The following RECQL variants were observed in gnomAD, a reference collection of about 807,000 sequenced individuals.
The protein encoded by RECQL is RecQ like helicase, also known as ATP-dependent DNA helicase Q1.
In RECQL, 73 loss-of-function variants were observed where a neutral mutation model predicts 75.8. The ratio of observed to expected loss-of-function variants is 0.96; its 90% CI spans 0.80 to 1.17. The LOEUF is 1.17. RECQL is among the 50% of genes most tolerant of loss of function. RECQL has a pLI of 0.00. For synonymous variants in RECQL, 248 were observed against 254.4 expected (o/e 0.97, Z 0.24); for missense variants, 699 against 772.1 (o/e 0.91, Z 1.12).
At chr12:21,476,591 C>T (rs1943090849) in intron 8 of RECQL, among the ~76,000 whole-genome samples, 2 of 151,910 alleles carry the variant, frequency 1.3e-5, no homozygotes, top group South Asian at 4.1e-4. Context: ...TTGCTTAATC[C>T]ACTATTTTGT....
chr12:21,486,517 CTAA>C lies in RECQL; in HGVS notation c.460_462del (p.Leu154del). On this transcript the variant is annotated inframe_deletion, in exon 5 of 15. Coordinates refer to ENST00000444129, the MANE Select transcript of RECQL (RefSeq NM_002907.4). ...GCATTTAACATGGTTGCTGAAATTC[CTAA>C]TTGTTTTAAAACCATTAATTGGTCT... The C allele has an allele frequency of 6.2e-7, 1 of 1,602,984 alleles. No individual in the cohort carries two copies. Among genetic ancestry groups the C allele is most frequent in the Non-Finnish European group, 8.5e-7 (1 of 1,176,542 alleles).
chr12:21,474,775 A>G, intron 11 of RECQL, 66 bp downstream of exon 11: 3 of 1,497,864 alleles, frequency 2.0e-6, no homozygotes, highest in Non-Finnish European at 2.8e-6. Context: ...AAGAACTTAA[A>G]AACGATGTCA....
At chr12:21,471,684 T>C (rs535266794) in intron 12 of RECQL, 37 bp from the exon 13 acceptor site, 160 of 1,545,324 alleles carry the variant, frequency 1.0e-4, no homozygotes, top group Non-Finnish European at 1.3e-4. Flanking sequence ...GTAATTAGGA[T>C]TTAGAAATGA....
intron 6 of RECQL, among the ~76,000 whole-genome samples, chr12:21,480,337 G>A (rs923298553): frequency 1.3e-5 from 2 of 152,142 alleles, no homozygotes; most frequent in African/African-American, 4.8e-5. Context: ...TGTAAGAACG[G>A]AATCAAAGAC....
At chr12:21,480,091 T>A (rs1000184439) in intron 6 of RECQL, among the ~76,000 whole-genome samples, 3 of 150,838 alleles carry the variant, frequency 2.0e-5, no homozygotes, top group African/African-American at 7.3e-5. Context: ...CATTAGAGAG[T>A]GGTAAGTGCT....
intron 2 of RECQL, among the ~76,000 whole-genome samples, chr12:21,497,203 C>T (rs1943524402): frequency 6.6e-6 from 1 of 152,142 alleles, no homozygotes; most frequent in Admixed American, 6.5e-5. Context: ...CCAAAGTGAG[C>T]AGGTTCTAAG....
chr12:21,470,384 T>G, intron 14 of RECQL, 38 bp from the exon 15 acceptor site: 1 of 1,502,696 alleles, frequency 6.7e-7, no homozygotes, highest in Non-Finnish European at 8.9e-7. Context: ...AGCACCTTGG[T>G]AAAAATCCAG....
Position 21,475,764 on chromosome 12 carries a change from A to G in RECQL, c.1010T>C (p.Leu337Pro), listed in dbSNP as rs776369780. The part of the protein sequence containing the change: ...SEQVTVSLQN[L>P]GIHAGAYHAN... ...ATGGTAAGCACCTGCATGAATTCCC[A>G]GATTCTGCAAACTAACCGTAACTTG... Residue 337 changes from leucine (L) to proline (P), a missense_variant, in exon 9 of 15, where the codon CTG (leucine) becomes CCG (proline). Transcript: ENST00000444129. The G allele has an allele frequency of 1.9e-6, 3 of 1,613,408 alleles. No individual in the cohort carries two copies. Among genetic ancestry groups the G allele is most frequent in the Non-Finnish European group, 2.5e-6 (3 of 1,179,468 alleles).
rs1438671411 is a variant in RECQL, at chr12:21,470,269, C to T, written c.1875G>A (p.Lys625=). The T allele has an allele frequency of 1.2e-6, 2 of 1,606,694 alleles. No homozygotes were observed. Among genetic ancestry groups the T allele is most frequent in the South Asian group, 1.1e-5 (1 of 90,440 alleles). The stretch of plus-strand genomic sequence containing the variant: ...ATTGCTGAAGCATGTTTGCAGCCTT[C>T]TTCTGGAAGTTGCCTGAATTTTTTT... The part of the protein sequence containing the change: ...MEEKNSGNFQ[K]KAANMLQQSG... Residue 625 remains lysine, a synonymous_variant, in exon 15 of 15, where the codon AAG becomes AAA. Coordinates refer to ENST00000444129, the MANE Select transcript of RECQL (RefSeq NM_002907.4).
rs566339459 is a variant in RECQL at position 21,499,566 on chromosome 12, G to A, written c.5C>T (p.Ala2Val). Residue 2 changes from alanine to valine, a missense_variant, in exon 2 of 15, where the codon GCG becomes GTG. By Grantham distance (64) the Ala-to-Val change is moderately conservative. Around this residue, in one of 2 missense-constraint regions of RECQL, gnomAD observed 669 missense variants for 713.5 expected, o/e 0.94. Transcript: ENST00000444129. ...TCATTGCTACTAACCTGAAACGGACGCCATTCTTTTTCTTTCCAAATTTGT... is the reference window on the plus strand; with the variant it reads ...TCATTGCTACTAACCTGAAACGGACACCATTCTTTTTCTTTCCAAATTTGT... MASVSALTEELD... is the reference protein window; with the variant it reads MVSVSALTEELD... The A allele has an allele frequency of 1.1e-5, 17 of 1,593,058 alleles. No individual in the cohort carries two copies. The highest frequency in any genetic ancestry group is 6.9e-5 in the South Asian group (6 of 86,864).
At chr12:21,486,656 CGTT>C (rs1555146282) in intron 4 of RECQL, 71 bp from the exon 5 acceptor site, 13,222 of 156,052 alleles carry the variant, frequency 0.085, 934 homozygotes, top group South Asian at 0.12. Context: ...AAACCATTCA[CGTT>C]TTTTTTTTTT....
chr12:21,485,190 C>G (rs1211617168), intron 5 of RECQL, among the ~76,000 whole-genome samples: 3 of 146,808 alleles, frequency 2.0e-5, no homozygotes, highest in Non-Finnish European at 3.0e-5. Flanking sequence ...TTGAGTGATA[C>G]CACAGTAAGT....
chr12:21,470,646 TG>T (rs1942926332), intron 14 of RECQL: 1 of 322,180 alleles, frequency 3.1e-6, no homozygotes, highest in Non-Finnish European at 5.6e-6. Context: ...TTCTAACCAC[TG>T]GAACAGCAGA....
rs1942936562 is a variant in RECQL, at chr12:21,470,958, T to A, written c.1797+11A>T. On this transcript the variant is annotated intron_variant, in intron 14 of 14. Coordinates refer to ENST00000444129, the MANE Select transcript of RECQL (RefSeq NM_002907.4). ...TAAAATATATAAAACTGAAAATTAATAGCCATTTACCCTGAAAGAGTTCTG... is the reference window on the plus strand; with the variant it reads ...TAAAATATATAAAACTGAAAATTAAAAGCCATTTACCCTGAAAGAGTTCTG... 6.7e-7 allele frequency: 1 copy of A among 1,483,548 alleles called. No individual in the cohort carries two copies. Among genetic ancestry groups the A allele is most frequent in the African/African-American group, 1.5e-5 (1 of 67,630 alleles). 91.9% of individuals were successfully genotyped at this position (1,483,548 alleles called of 1,614,324 possible).
In RECQL at chr12:21,482,580, G is replaced by C. The variant is rs1033051476; in HGVS notation, c.700+796C>G. Among the ~76,000 whole-genome samples the C allele has an allele frequency of 2.0e-5, 3 of 152,302 alleles. No individual in the cohort carries two copies. The South Asian group carries it at 6.2e-4, about 32-fold the overall frequency. On this transcript the variant is annotated intron_variant, in intron 6 of 14. Coordinates refer to ENST00000444129, the MANE Select transcript of RECQL (RefSeq NM_002907.4). ...ATGAATCCAGCATCTCAGGCACAAC[G>C]CCTGAAGCAGACTGGCAGAATGGCC...
At chr12:21,473,704 T>C in intron 11 of RECQL, 62 bp from the exon 12 acceptor site, 4 of 1,399,986 alleles carry the variant, frequency 2.9e-6, no homozygotes, top group African/African-American at 2.9e-5. Flanking sequence ...AGAATCTCTA[T>C]TTCAGCTTAC....
rs1289035205 is a variant in RECQL at position 21,501,538 on chromosome 12, G to A, written c.-414C>T. On this transcript the variant is annotated 5_prime_UTR_variant, in exon 1 of 15. Transcript: ENST00000444129. ...TCCTGTGTCCGACTCTCCGATCTCC[G>A]ACTCTCGGATCTCCGACACCAAAGC... The A allele has an allele frequency of 8.7e-6, 2 of 228,684 alleles. No homozygotes were observed. The highest frequency in any genetic ancestry group is 2.4e-4 in the East Asian group (2 of 8,446). 14.2% of individuals were successfully genotyped at this position (228,684 alleles called of 1,614,324 possible).
At chr12:21,484,099 G>C (rs980042730) in intron 5 of RECQL, among the ~76,000 whole-genome samples, 1 of 151,856 alleles carries the variant, frequency 6.6e-6, no homozygotes, top group African/African-American at 2.4e-5. Flanking sequence ...ATTAAATTAA[G>C]ATAATAATAA....
chr12:21,497,206 G>C (rs1943524462), intron 2 of RECQL, among the ~76,000 whole-genome samples: 1 of 152,128 alleles, frequency 6.6e-6, no homozygotes, highest in African/African-American at 2.4e-5. Flanking sequence ...AAGTGAGCAG[G>C]TTCTAAGTGA....
Sources: gnomAD v4.1 joint callset for allele counts (sites outside exome capture counted in the v4.1 genomes callset) on GRCh38, gnomAD v4.1.1 for gene constraint, gnomAD v4.1.1 regional missense constraint, MANE v1.5 for transcripts, NCBI Gene and HGNC (gene_info 2026-07-23, HGNC 2026-07-21) for gene names.